C1orf198: variants seen among roughly 807,000 people sequenced by gnomAD.
C1orf198 encodes the protein uncharacterized protein C1orf198.
A neutral mutation model predicts 31.4 loss-of-function variants in C1orf198; 17 were observed. That is an observed-to-expected ratio of 0.54 (90% CI 0.37 to 0.81). C1orf198 has a LOEUF of 0.81. C1orf198 is among the 40% of genes least tolerant of loss of function. The pLI, the probability that C1orf198 is intolerant of heterozygous loss-of-function variation, is 0.00. For synonymous variants in C1orf198, 175 were observed against 193.8 expected, an observed-to-expected ratio of 0.90 and a Z score of 0.81; for missense variants, 401 against 450.3, an observed-to-expected ratio of 0.89 and a Z score of 0.99.
At chr1:230,868,619 G>T, upstream of C1orf198, 1 of 844,186 alleles carries the variant, frequency 1.2e-6, no homozygotes. Context: ...ACCCCGCCCT[G>T]CACCGCCGCG....
chr1:230,849,287 C>T (rs1038708112), intron 2 of C1orf198, among the ~76,000 whole-genome samples: 11 of 151,766 alleles, frequency 7.2e-5, no homozygotes, highest in East Asian at 1.9e-4. Context: ...CCAGGGCTGG[C>T]GGGAGGATGA....
rs367967791 is a variant in C1orf198 at position 230,844,827 on chromosome 1, C to T, written c.385-931G>A. On this transcript the variant is annotated intron_variant, in intron 2 of 3. Transcript: ENST00000366663. ...AGCCTATGCCCCACATCTGAGCACC[C>T]ACAAAATGCTTTCCTTGATCTGGAT... 1.3e-4 allele frequency among the ~76,000 whole-genome samples: 20 copies of T among 152,352 alleles called. No homozygotes were observed. In the East Asian group the frequency reaches 3.9e-3, roughly 29 times the overall value.
chr1:230,841,730 A>G (rs896979276), intron 3 of C1orf198, among the ~76,000 whole-genome samples: 1 of 152,238 alleles, frequency 6.6e-6, no homozygotes, highest in Non-Finnish European at 1.5e-5. Context: ...AGGTTCTTCA[A>G]AAAAGTAGAA....
chr1:230,861,536 G>C (rs181549146), intron 1 of C1orf198, among the ~76,000 whole-genome samples: 1 of 152,346 alleles, frequency 6.6e-6, no homozygotes, highest in Non-Finnish European at 1.5e-5. Context: ...TATGCATCCC[G>C]TGAGTCACGC....
rs772780914 is a variant in C1orf198, at chr1:230,843,677, C to G, written c.604G>C (p.Gly202Arg). 65 of 1,614,024 alleles carry G rather than the reference C, an allele frequency of 4.0e-5. 2 individuals are homozygous for G. In the South Asian group the frequency reaches 7.1e-4, roughly 18 times the overall value. The change falls in exon 3 of 4, where the codon GGG (glycine) becomes CGG (arginine). Residue 202 changes from glycine (G) to arginine (R), a missense_variant. Physicochemically the swap from Gly to Arg is moderately radical, Grantham distance 125. Coordinates refer to ENST00000366663, the MANE Select transcript of C1orf198 (RefSeq NM_032800.3). This position sits in a 1 kb window ranked among gnomAD's most constrained non-coding sequence, Gnocchi z 4.9. ...AGCGACTGGAACTCGGCCTCAGGCC[C>G]CTCCCCTCGGGACCGCTCAGCATTG... ...KINAERSRGE[G>R]PEAEFQSLTP...
chr1:230,845,009 A>G (rs16852827), intron 2 of C1orf198, among the ~76,000 whole-genome samples: 24,719 of 152,108 alleles, frequency 0.16, 2,493 homozygotes, highest in East Asian at 0.38. Context: ...TCTAAAATCA[A>G]TTCTGAAGAC....
chr1:230,869,046 A>C (rs1670196863), upstream of C1orf198: 1 of 152,074 alleles, frequency 6.6e-6, no homozygotes, highest in Admixed American at 6.5e-5. Context: ...GACGAGCCAC[A>C]CCTTCTCTGC....
At chr1:230,862,299 T>G (rs1394772882) in intron 1 of C1orf198, among the ~76,000 whole-genome samples, 3 of 152,244 alleles carry the variant, frequency 2.0e-5, no homozygotes, top group Non-Finnish European at 4.4e-5. Flanking sequence ...CAACTGTGCT[T>G]CTGCTATAGT....
intron 1 of C1orf198, 166 bp from the exon 2 acceptor site, chr1:230,855,884 G>C: frequency 2.1e-6 from 3 of 1,399,414 alleles, no homozygotes; most frequent in Non-Finnish European, 2.8e-6. Context: ...TGACCGTCTT[G>C]ATCAGATTGC....
chr1:230,849,455 C>A (rs757792056), intron 2 of C1orf198, among the ~76,000 whole-genome samples: 1 of 152,164 alleles, frequency 6.6e-6, no homozygotes, highest in African/African-American at 2.4e-5. Context: ...TCCCTCCTGA[C>A]GGCAACACTG....
chr1:230,857,322 G>A lies in C1orf198; in HGVS notation c.334-1604C>T, dbSNP rs549935541. On this transcript the variant is annotated intron_variant, in intron 1 of 3. Transcript: ENST00000366663. The surrounding 1 kb of genome is among the most constrained non-coding windows in gnomAD (Gnocchi z 4.2). The stretch of plus-strand genomic sequence containing the variant: ...ATCCCAAGTGCCCGGAAGACTCAGC[G>A]ACTGCCCGTAGCGGACGCTTACTCA... 5.3e-5 allele frequency among the ~76,000 whole-genome samples: 8 copies of A among 152,306 alleles called. No individual in the cohort carries two copies. Among genetic ancestry groups the A allele is most frequent in the East Asian group, 1.9e-4 (1 of 5,188 alleles).
rs1669894688 is a variant in C1orf198, at chr1:230,857,124, A to G, written c.334-1406T>C. Among the ~76,000 whole-genome samples the G allele has an allele frequency of 6.6e-6, 1 of 152,126 alleles. No homozygotes were observed. Among genetic ancestry groups the G allele is most frequent in the Non-Finnish European group, 1.5e-5 (1 of 68,024 alleles). Reference sequence around the variant, plus strand: ...CCTCCTAACATGAACAGCCAGTGGGAGGTCAGTCTTTGAACTCAAATAACG... The same window carrying G: ...CCTCCTAACATGAACAGCCAGTGGGGGGTCAGTCTTTGAACTCAAATAACG... On this transcript the variant is annotated intron_variant, in intron 1 of 3. Transcript: ENST00000366663. This position sits in a 1 kb window ranked among gnomAD's most constrained non-coding sequence, Gnocchi z 4.2.
intron 1 of C1orf198, among the ~76,000 whole-genome samples, chr1:230,866,861 C>T (rs1201224609): frequency 6.6e-6 from 1 of 152,214 alleles, no homozygotes; most frequent in Non-Finnish European, 1.5e-5. Context: ...GTTTACCACA[C>T]CCTTGTTTTT....
Position 230,843,293 on chromosome 1 carries a change from C to T in C1orf198, c.927+61G>A, listed in dbSNP as rs1669495348. 6.6e-7 allele frequency: 1 copy of T among 1,520,066 alleles called. No individual in the cohort carries two copies. Among genetic ancestry groups the T allele is most frequent in the Admixed American group, 2.1e-5 (1 of 47,998 alleles). 94.2% of individuals were successfully genotyped at this position (1,520,066 alleles called of 1,614,324 possible). A position where few individuals can be genotyped will look rare whatever the true frequency, so the allele number is the denominator to read the frequency against. On this transcript the variant is annotated intron_variant, in intron 3 of 3. Transcript: ENST00000366663. The surrounding 1 kb of genome is among the most constrained non-coding windows in gnomAD (Gnocchi z 4.9). Reference sequence around the variant, plus strand: ...GCCTGCCTGCTTTGTGGGGGACCCTCTCGGTTCCCGTGGAATAAGGCACCA... The same window carrying T: ...GCCTGCCTGCTTTGTGGGGGACCCTTTCGGTTCCCGTGGAATAAGGCACCA...
rs1669917410 is a variant in C1orf198, at chr1:230,857,923, T to A, written c.334-2205A>T. ...CATCCTCAGAGTGTTACAGTCACTG[T>A]CCTGTAATGGTATTTGCTTATGATC... is the stretch of plus-strand genomic sequence containing the variant. On this transcript the variant is annotated intron_variant, in intron 1 of 3. Coordinates refer to ENST00000366663, the MANE Select transcript of C1orf198 (RefSeq NM_032800.3). This position sits in a 1 kb window ranked among gnomAD's most constrained non-coding sequence, Gnocchi z 4.2. 6.6e-6 allele frequency among the ~76,000 whole-genome samples: 1 copy of A among 152,230 alleles called. No individual in the cohort carries two copies.
chr1:230,850,358 G>A (rs1348054315), intron 2 of C1orf198, among the ~76,000 whole-genome samples: 1 of 152,252 alleles, frequency 6.6e-6, no homozygotes, highest in Non-Finnish European at 1.5e-5. Flanking sequence ...AATGCAGGGA[G>A]GGTGCTCAGC....
intron 2 of C1orf198, among the ~76,000 whole-genome samples, chr1:230,846,498 G>A (rs373007020): frequency 1.1e-4 from 16 of 152,370 alleles, no homozygotes; most frequent in African/African-American, 2.9e-4. Context: ...TGAAGTGCAG[G>A]TCCTATACAT....
intron 2 of C1orf198, among the ~76,000 whole-genome samples, chr1:230,847,642 T>C (rs1215306211): frequency 2.0e-5 from 3 of 152,146 alleles, no homozygotes; most frequent in Admixed American, 2.0e-4. Context: ...GTGATCTAAT[T>C]TGATTTTAAA....
At chr1:230,862,874 G>C (rs1185090234) in intron 1 of C1orf198, among the ~76,000 whole-genome samples, 1 of 152,184 alleles carries the variant, frequency 6.6e-6, no homozygotes, top group Non-Finnish European at 1.5e-5. Context: ...GTAACGACGT[G>C]TCCATGTACG....
Sources: allele counts gnomAD v4.1 joint callset (sites outside exome capture counted in the v4.1 genomes callset), GRCh38; gene constraint gnomAD v4.1.1; non-coding constraint Gnocchi (gnomAD v3.1); transcripts MANE v1.5; gene names NCBI Gene and HGNC (gene_info 2026-07-23, HGNC 2026-07-21).